The following MTMR3 variants were observed in gnomAD, a reference collection of about 807,000 sequenced individuals.
The protein encoded by MTMR3 is phosphatidylinositol-3,5-bisphosphate 3-phosphatase MTMR3.
MTMR3 carries 32 observed loss-of-function variants against 132.4 expected under a neutral mutation model. The ratio of observed to expected loss-of-function variants is 0.24; its 90% CI spans 0.18 to 0.32. MTMR3 has a LOEUF of 0.32. Ranked by LOEUF, MTMR3 falls within the 10% of genes least tolerant of loss-of-function variation. The pLI is 1.00. For missense variants in MTMR3, 1,216 were observed against 1,489.6 expected, an observed-to-expected ratio of 0.82 and a Z score of 3.02; for synonymous variants, 556 against 550.3, an observed-to-expected ratio of 1.01 and a Z score of -0.14.
chr22:29,961,705 A>AGT (rs1401354349), intron 2 of MTMR3, among the ~76,000 whole-genome samples: 5 of 152,206 alleles, frequency 3.3e-5, no homozygotes, highest in Non-Finnish European at 5.9e-5. Context: ...AGTCTGTAGA[A>AGT]GTGTACAGTA....
At position 30,019,896 on chromosome 22, in the gene MTMR3, G is replaced by C; in HGVS notation, c.2237G>C (p.Gly746Ala). ...AIGLHQDPEL[G>A]DAALRSHLDM... ...GGACTTCACCAAGACCCAGAACTGG[G>C]TGATGCTGCTCTGAGGAGCCATCTG... Residue 746 changes from glycine to alanine, a missense_variant, in exon 17 of 20, where the codon GGT (glycine) becomes GCT (alanine). This residue lies in a region of MTMR3 where 852 missense variants were observed against 852.0 expected (regional missense o/e 1.00). Transcript: ENST00000401950. 6.2e-7 allele frequency: 1 copy of C among 1,614,210 alleles called. No individual in the cohort carries two copies. The highest frequency in any genetic ancestry group is 8.5e-7 in the Non-Finnish European group (1 of 1,180,030).
chr22:30,002,982 C>G lies in MTMR3; in HGVS notation c.660C>G (p.Ala220=), dbSNP rs376807032. ...SSFRSWKRIP[A]VIYRHQSNGA... ...TCAGGTCCTGGAAGCGCATCCCTGC[C>G]GTCATCTACAGGTAAGTTAAACTGG... The change falls in exon 9 of 20, where the codon GCC becomes GCG. Residue 220 remains alanine (A), a synonymous_variant. Coordinates refer to ENST00000401950, the MANE Select transcript of MTMR3 (RefSeq NM_021090.4). The G allele has an allele frequency of 2.5e-6, 4 of 1,613,626 alleles. No individual in the cohort carries two copies. In the African/African-American group the frequency reaches 4.0e-5, roughly 16 times the overall value.
At chr22:29,973,272 T>C (rs2066570439) in intron 3 of MTMR3, among the ~76,000 whole-genome samples, 1 of 152,216 alleles carries the variant, frequency 6.6e-6, no homozygotes, top group Non-Finnish European at 1.5e-5. Context: ...ATTAGCAAAA[T>C]ATATTTTCAT....
chr22:29,938,767 T>C (rs1280618871), intron 1 of MTMR3, among the ~76,000 whole-genome samples: 2 of 152,170 alleles, frequency 1.3e-5, no homozygotes, highest in African/African-American at 2.4e-5. Context: ...GCTGCATAAT[T>C]TACAGGGCCT....
At chr22:29,982,953 G>T (rs1290300467) in intron 5 of MTMR3, 5 of 151,186 alleles carry the variant, frequency 3.3e-5, no homozygotes, top group African/African-American at 1.2e-4. Flanking sequence ...GTGTGTGTGT[G>T]TGTGTGTGTG....
chr22:29,924,114 T>G (rs1477456780), intron 1 of MTMR3, among the ~76,000 whole-genome samples: 1 of 152,216 alleles, frequency 6.6e-6, no homozygotes, highest in Non-Finnish European at 1.5e-5. Flanking sequence ...CCAAATGCTA[T>G]GTCATGAAGC....
intron 1 of MTMR3, among the ~76,000 whole-genome samples, chr22:29,932,710 C>A (rs1211940912): frequency 1.3e-5 from 2 of 152,074 alleles, no homozygotes; most frequent in African/African-American, 2.4e-5. Flanking sequence ...TACCTACGAC[C>A]TAATTTAACA....
chr22:29,986,430 C>A, intron 5 of MTMR3: 1 of 416,946 alleles, frequency 2.4e-6, no homozygotes, highest in Non-Finnish European at 3.2e-6. Flanking sequence ...GCAAAGTTAT[C>A]TTCTAATCTG....
intron 4 of MTMR3, 77 bp downstream of exon 4, chr22:29,978,608 A>T: frequency 9.4e-7 from 1 of 1,061,886 alleles, no homozygotes; most frequent in Non-Finnish European, 1.4e-6. Flanking sequence ...ATTTAAGTGT[A>T]ACGTACTATA....
intron 7 of MTMR3, chr22:29,993,206 T>A (rs2066997580): frequency 6.6e-6 from 1 of 152,208 alleles, no homozygotes; most frequent in African/African-American, 2.4e-5. Flanking sequence ...CCTTGGAAGT[T>A]TATGAGAATG....
In MTMR3 at chr22:29,979,070, G is replaced by A; in HGVS notation, c.210+18G>A. 1 of 1,508,068 alleles carries A rather than the reference G, an allele frequency of 6.6e-7. No individual in the cohort carries two copies. Among genetic ancestry groups the A allele is most frequent in the Non-Finnish European group, 9.2e-7 (1 of 1,083,216 alleles). 93.4% of individuals were successfully genotyped at this position (1,508,068 alleles called of 1,614,324 possible). A position where few individuals can be genotyped will look rare whatever the true frequency, so the allele number is the denominator to read the frequency against. ...TTGTTAATGTAAGTGATTACCAGCT[G>A]TTCTCCCTCTAAGGTAAATGGAGAA... On this transcript the variant is annotated intron_variant, in intron 5 of 19. Coordinates refer to ENST00000401950, the MANE Select transcript of MTMR3 (RefSeq NM_021090.4).
rs369284552 is a variant in MTMR3, at chr22:29,893,225, A to G, written c.-138+9866A>G. Among the ~76,000 whole-genome samples, 17 of 152,268 alleles carry G rather than the reference A, an allele frequency of 1.1e-4. No individual in the cohort carries two copies. The East Asian group carries it at 1.5e-3, about 14-fold the overall frequency. Reference sequence around the variant, plus strand: ...CCTTCATCTTATGTGCACAGAAAATATTTTCGTGGAAGAGGTCTTGAATTT... The same window carrying G: ...CCTTCATCTTATGTGCACAGAAAATGTTTTCGTGGAAGAGGTCTTGAATTT... On this transcript the variant is annotated intron_variant, in intron 1 of 19. Coordinates refer to ENST00000401950, the MANE Select transcript of MTMR3 (RefSeq NM_021090.4).
intron 14 of MTMR3, chr22:30,016,322 C>T: frequency 1.8e-6 from 1 of 543,960 alleles, no homozygotes; most frequent in Non-Finnish European, 3.3e-6. Context: ...ATAGGGGCAC[C>T]AACAACCTGT....
chr22:30,015,756 G>T (rs1380649725), intron 14 of MTMR3: 2 of 152,078 alleles, frequency 1.3e-5, no homozygotes, highest in East Asian at 3.9e-4. Flanking sequence ...TCTTAAAATG[G>T]TCTCCAGGGC....
intron 7 of MTMR3, chr22:29,996,037 A>G (rs1009111800): frequency 3.3e-5 from 5 of 152,224 alleles, no homozygotes; most frequent in African/African-American, 1.2e-4. Context: ...CACAGTGTCT[A>G]CCTATAGTCC....
At chr22:30,022,322 T>G (rs1457944994) in intron 18 of MTMR3, 183 bp downstream of exon 18, 1 of 614,978 alleles carries the variant, frequency 1.6e-6, no homozygotes, top group Non-Finnish European at 2.9e-6. Flanking sequence ...CCAGGGAGAC[T>G]CAGCAAGCTG....
intron 1 of MTMR3, among the ~76,000 whole-genome samples, chr22:29,909,695 T>C (rs964309112): frequency 1.3e-5 from 2 of 152,214 alleles, no homozygotes; most frequent in African/African-American, 2.4e-5. Flanking sequence ...ATTTTTATAA[T>C]TTTTTCATAA....
At chr22:29,982,933 T>TG (rs1555911365) in intron 5 of MTMR3, 2 of 108,418 alleles carry the variant, frequency 1.8e-5, no homozygotes, top group African/African-American at 9.2e-5. Context: ...GTTTAAAAGT[T>TG]TGTTTGTGTG....
intron 1 of MTMR3, among the ~76,000 whole-genome samples, chr22:29,898,846 A>C (rs2064951993): frequency 6.7e-6 from 1 of 149,772 alleles, no homozygotes; most frequent in African/African-American, 2.5e-5. Flanking sequence ...AAAGGACATG[A>C]TTTTATTCTT....
Sources: gnomAD v4.1 joint callset for allele counts (sites outside exome capture counted in the v4.1 genomes callset) on GRCh38, gnomAD v4.1.1 for gene constraint, gnomAD v4.1.1 regional missense constraint, MANE v1.5 for transcripts, NCBI Gene and HGNC (gene_info 2026-07-23, HGNC 2026-07-21) for gene names.